Variants in FCHSD2 observed in about 807,000 individuals in gnomAD.
FCHSD2 encodes the protein FCH and double SH3 domains 2, also known as F-BAR and double SH3 domains protein 2.
Under a neutral mutation model 108.1 loss-of-function variants are expected in FCHSD2, and 38 were observed. The observed-to-expected ratio is 0.35, with a 90% CI of 0.27 to 0.46. The LOEUF is 0.46. Among genes scored for constraint, FCHSD2 ranks in the 20% least tolerant of loss-of-function variants. FCHSD2 has a pLI of 1.00. For missense variants in FCHSD2, 751 were observed against 897.8 expected (o/e 0.84, Z 2.09); for synonymous variants, 279 against 314.7 (o/e 0.89, Z 1.20).
intron 9 of FCHSD2, among the ~76,000 whole-genome samples, chr11:72,920,640 A>G (rs1591399445): frequency 1.3e-5 from 2 of 152,352 alleles, no homozygotes; most frequent in Admixed American, 1.3e-4. Context: ...TAGAAGGAAC[A>G]AAGATAAGAT....
chr11:73,071,949 T>C (rs1859447449), intron 3 of FCHSD2, among the ~76,000 whole-genome samples: 1 of 152,038 alleles, frequency 6.6e-6, no homozygotes, highest in South Asian at 2.1e-4. Flanking sequence ...GTCCACAGCA[T>C]AAACTGATAT....
chr11:72,933,508 A>G (rs1856236293), intron 8 of FCHSD2, among the ~76,000 whole-genome samples: 1 of 152,194 alleles, frequency 6.6e-6, no homozygotes, highest in African/African-American at 2.4e-5. Flanking sequence ...TGTTTTGCCT[A>G]AGCTACTTTG....
rs1861045681 is a variant in FCHSD2 at position 73,133,260 on chromosome 11, AT to A, written c.119+6770del. ...AGTTACCATATGACCCAGACATTCC[AT>A]TTTTAGGTATATATCCAAAAGAAAA... On this transcript the variant is annotated intron_variant, in intron 2 of 19. Coordinates refer to ENST00000409418, the MANE Select transcript of FCHSD2 (RefSeq NM_014824.3). Among the ~76,000 whole-genome samples the A allele has an allele frequency of 2.6e-5, 4 of 152,246 alleles. No individual in the cohort carries two copies. The South Asian group carries it at 8.3e-4, about 31-fold the overall frequency.
intron 3 of FCHSD2, among the ~76,000 whole-genome samples, chr11:73,076,696 A>T (rs184898790): frequency 4.6e-5 from 7 of 152,382 alleles, no homozygotes; most frequent in Admixed American, 2.0e-4. Context: ...TATGTAAATT[A>T]AAAGTATACA....
chr11:72,887,569 T>C lies in FCHSD2; in HGVS notation c.1047A>G (p.Leu349=), dbSNP rs757664684. The change falls in exon 12 of 20, where the codon CTA becomes CTG. Residue 349 remains leucine (L), a synonymous_variant. Coordinates refer to ENST00000409418, the MANE Select transcript of FCHSD2 (RefSeq NM_014824.3). Reference sequence around the variant, plus strand: ...CAGCTCCATGACACTCCAGATCATTTAGAACCTATTAAAGAAAATGGGACA... The same window carrying C: ...CAGCTCCATGACACTCCAGATCATTCAGAACCTATTAAAGAAAATGGGACA... The part of the protein sequence containing the change: ...HKNIVHQQRV[L]NDLECHGAAV... 16 of 1,550,864 alleles carry C rather than the reference T, an allele frequency of 1.0e-5. No homozygotes were observed. The highest frequency in any genetic ancestry group is 1.4e-5 in the Non-Finnish European group (16 of 1,153,166).
At chr11:72,897,928 G>A (rs931085345) in intron 10 of FCHSD2, among the ~76,000 whole-genome samples, 2 of 152,142 alleles carry the variant, frequency 1.3e-5, no homozygotes, top group South Asian at 2.1e-4. Context: ...TGGCTTTCTG[G>A]TATCATCTGA....
chr11:73,005,567 A>T (rs187290288), intron 4 of FCHSD2, among the ~76,000 whole-genome samples: 4 of 152,342 alleles, frequency 2.6e-5, no homozygotes, highest in African/African-American at 7.2e-5. Flanking sequence ...AGTGCCCTCA[A>T]GTCAGACCCC....
chr11:73,078,873 T>C (rs1859616862), intron 3 of FCHSD2, among the ~76,000 whole-genome samples: 1 of 152,174 alleles, frequency 6.6e-6, no homozygotes, highest in African/African-American at 2.4e-5. Flanking sequence ...ATGCGTCACC[T>C]CGCCTGGCTA....
At chr11:73,011,206 C>T (rs944582878) in intron 4 of FCHSD2, among the ~76,000 whole-genome samples, 6 of 152,070 alleles carry the variant, frequency 3.9e-5, no homozygotes, top group African/African-American at 1.4e-4. Flanking sequence ...CTCAGGCTCT[C>T]AACAATATGT....
At chr11:72,891,926 A>G (rs1371845855) in intron 10 of FCHSD2, among the ~76,000 whole-genome samples, 2 of 152,236 alleles carry the variant, frequency 1.3e-5, no homozygotes, top group African/African-American at 4.8e-5. Flanking sequence ...ACCCAATTGA[A>G]AATTACTTGA....
At chr11:73,072,483 T>C (rs1045677608) in intron 3 of FCHSD2, among the ~76,000 whole-genome samples, 2 of 152,154 alleles carry the variant, frequency 1.3e-5, no homozygotes, top group South Asian at 4.1e-4. Flanking sequence ...TACCAACTAT[T>C]TCAGGAGAGG....
Position 72,922,335 on chromosome 11 carries a change from TC to T in FCHSD2, c.706-386del, listed in dbSNP as rs1442655157. On this transcript the variant is annotated intron_variant, in intron 8 of 19. Transcript: ENST00000409418. ...AGACACTCTACAATAATCTCCGTTT[TC>T]CCCCAATCCATTATTGGTAGGATTA... is the stretch of plus-strand genomic sequence containing the variant. 2.0e-5 allele frequency among the ~76,000 whole-genome samples: 3 copies of T among 152,008 alleles called. No homozygotes were observed. The East Asian group carries it at 5.8e-4, about 29-fold the overall frequency.
At chr11:73,137,345 A>G (rs893564411) in intron 2 of FCHSD2, among the ~76,000 whole-genome samples, 1 of 152,198 alleles carries the variant, frequency 6.6e-6, no homozygotes, top group African/African-American at 2.4e-5. Flanking sequence ...AAACCTGTTA[A>G]TCCTTGGAGC....
intron 8 of FCHSD2, among the ~76,000 whole-genome samples, chr11:72,970,686 C>T (rs770227768): frequency 4.6e-5 from 7 of 152,128 alleles, no homozygotes; most frequent in South Asian, 2.1e-4. Context: ...CACAGCCTGC[C>T]GACATCCCAC....
Position 73,142,115 on chromosome 11 carries a change from G to A in FCHSD2, c.-238C>T. On this transcript the variant is annotated 5_prime_UTR_variant, in exon 1 of 20. Transcript: ENST00000409418. ...GGAAGGCTTGGGGCCCGGGCGGCCC[G>A]GGCGGCCCGGGGGTGTGTGAGGAAG... The A allele has an allele frequency of 4.8e-6, 2 of 418,904 alleles. No homozygotes were observed. The highest frequency in any genetic ancestry group is 8.5e-6 in the Non-Finnish European group (2 of 234,162). 25.9% of individuals were successfully genotyped at this position (418,904 alleles called of 1,614,324 possible).
chr11:73,066,452 T>C (rs1412571736), intron 3 of FCHSD2, among the ~76,000 whole-genome samples: 1 of 152,056 alleles, frequency 6.6e-6, no homozygotes, highest in Non-Finnish European at 1.5e-5. Flanking sequence ...AGACTTCATG[T>C]CTAAAACACC....
chr11:72,972,395 C>T (rs932313385), intron 8 of FCHSD2, among the ~76,000 whole-genome samples: 1 of 152,160 alleles, frequency 6.6e-6, no homozygotes, highest in African/African-American at 2.4e-5. Flanking sequence ...TCTTTCCAAA[C>T]TATATTTCAA....
intron 2 of FCHSD2, among the ~76,000 whole-genome samples, chr11:73,114,843 A>G (rs1487328064): frequency 3.3e-5 from 5 of 152,010 alleles, no homozygotes; most frequent in African/African-American, 1.2e-4. Context: ...CTCAAGCGGA[A>G]GGAGGGGGTC....
chr11:72,876,575 A>C (rs561344003), intron 12 of FCHSD2, among the ~76,000 whole-genome samples: 1 of 152,322 alleles, frequency 6.6e-6, no homozygotes, highest in African/African-American at 2.4e-5. Context: ...TTATTGAAAC[A>C]GGTTTATGGT....
Sources: gnomAD v4.1 joint callset for allele counts (sites outside exome capture counted in the v4.1 genomes callset) on GRCh38, gnomAD v4.1.1 for gene constraint, MANE v1.5 for transcripts, NCBI Gene and HGNC (gene_info 2026-07-23, HGNC 2026-07-21) for gene names.